Variants in IL1RAPL2 observed in about 807,000 individuals in gnomAD.
IL1RAPL2 encodes X-linked interleukin-1 receptor accessory protein-like 2.
IL1RAPL2 carries 3 observed loss-of-function variants against 44.1 expected under a neutral mutation model. The observed-to-expected ratio is 0.07, with a 90% CI of 0.03 to 0.18. The LOEUF is 0.18. Ranked by LOEUF, IL1RAPL2 falls within the 10% of genes least tolerant of loss-of-function variation. The pLI is 1.00. For synonymous variants in IL1RAPL2, 181 were observed against 178.8 expected (o/e 1.01, Z -0.10); for missense variants, 391 against 496.4 (o/e 0.79, Z 2.02).
At chrX:105,253,073 A>AC (rs1283889200) in intron 4 of IL1RAPL2, among the ~76,000 whole-genome samples, 62 of 111,657 alleles carry the variant, frequency 5.6e-4, no homozygotes, top group African/African-American at 2.0e-3. Context: ...CCACCTGCAT[A>AC]CCATCCCCTT....
At chrX:104,715,431 A>AC (rs1243451517) in intron 2 of IL1RAPL2, among the ~76,000 whole-genome samples, 35 of 107,255 alleles carry the variant, frequency 3.3e-4, no homozygotes, top group Non-Finnish European at 6.0e-4. Context: ...AAAAAAAAAA[A>AC]AAACCAGATC....
At chrX:105,034,900 C>T (rs777716158) in intron 2 of IL1RAPL2, among the ~76,000 whole-genome samples, 270 of 106,099 alleles carry the variant, frequency 2.5e-3, no homozygotes, top group African/African-American at 7.9e-3. Context: ...CCAGTTCGAG[C>T]TTCCCAGCTG....
At chrX:105,506,885 A>G (rs188163318) in intron 6 of IL1RAPL2, among the ~76,000 whole-genome samples, 62 of 112,113 alleles carry the variant, frequency 5.5e-4, no homozygotes, top group Non-Finnish European at 8.3e-4. Flanking sequence ...TGCTTTGTAC[A>G]TAGTATCCCA....
intron 2 of IL1RAPL2, among the ~76,000 whole-genome samples, chrX:104,710,472 G>A (rs1984053514): frequency 9.0e-6 from 1 of 111,043 alleles, no homozygotes; most frequent in African/African-American, 3.3e-5. Flanking sequence ...CTAAGGTGAG[G>A]CAGAGATGAT....
At chrX:105,195,833 T>C in intron 3 of IL1RAPL2, 85 bp downstream of exon 3, 2 of 921,409 alleles carry the variant, frequency 2.2e-6, no homozygotes, top group Non-Finnish European at 3.1e-6. Flanking sequence ...ATGCCTCATG[T>C]TGTATAATGG....
At position 105,659,268 on chromosome X, in the gene IL1RAPL2, C is replaced by G. The variant is rs189956690; in HGVS notation, c.773-58099C>G. ...GAGACATAGATAGAGACCTTTCAGA[C>G]GGAGAATTCAAAATAACTGTTTTTT... On this transcript the variant is annotated intron_variant, in intron 6 of 10. Transcript: ENST00000372582. Among the ~76,000 whole-genome samples, 575 of 111,501 alleles carry G rather than the reference C, an allele frequency of 5.2e-3. 4 individuals carry two copies. Among genetic ancestry groups the G allele is most frequent in the Middle Eastern group, 0.028 (6 of 213 alleles).
rs769378738 is a variant in IL1RAPL2, at chrX:105,614,473, A to G, written c.773-102894A>G. Among the ~76,000 whole-genome samples, 7 of 111,773 alleles carry G rather than the reference A, an allele frequency of 6.3e-5. No homozygotes were observed. In the East Asian group the frequency reaches 1.4e-3, roughly 23 times the overall value. On this transcript the variant is annotated intron_variant, in intron 6 of 10. Transcript: ENST00000372582. ...TACTGGCATAAAAACGGACCCATAG[A>G]TCAGTGGACCAGAATAGAGGACCCA...
At chrX:104,618,259 G>A (rs901944276) in intron 1 of IL1RAPL2, among the ~76,000 whole-genome samples, 1 of 112,199 alleles carries the variant, frequency 8.9e-6, no homozygotes, top group Non-Finnish European at 1.9e-5. Flanking sequence ...CACTGGCACA[G>A]GCTCTCTGTT....
intron 2 of IL1RAPL2, among the ~76,000 whole-genome samples, chrX:105,189,451 G>C (rs1249672137): frequency 8.9e-6 from 1 of 111,811 alleles, no homozygotes; most frequent in Non-Finnish European, 1.9e-5. Flanking sequence ...GACTCGTCTC[G>C]TACTCCTGGC....
chrX:105,477,079 C>T (rs763697914), intron 5 of IL1RAPL2, among the ~76,000 whole-genome samples: 4 of 111,867 alleles, frequency 3.6e-5, no homozygotes, highest in Non-Finnish European at 7.5e-5. Flanking sequence ...TGCTTTTTTG[C>T]AGCAGGTTTT....
intron 2 of IL1RAPL2, among the ~76,000 whole-genome samples, chrX:104,860,883 A>G (rs905511698): frequency 9.0e-6 from 1 of 111,394 alleles, no homozygotes; most frequent in African/African-American, 3.3e-5. Context: ...TTCATCAAGC[A>G]CTTAAGACTT....
intron 3 of IL1RAPL2, among the ~76,000 whole-genome samples, chrX:105,206,459 T>C (rs2033764739): frequency 8.9e-6 from 1 of 111,968 alleles, no homozygotes; most frequent in Non-Finnish European, 1.9e-5. Flanking sequence ...ATTATCAGTT[T>C]TCTCTACTGT....
intron 2 of IL1RAPL2, among the ~76,000 whole-genome samples, chrX:105,113,832 T>C (rs1368562714): frequency 8.9e-6 from 1 of 112,160 alleles, no homozygotes; most frequent in Non-Finnish European, 1.9e-5. Context: ...GAGGAATGGC[T>C]ACAATTCTTG....
At chrX:104,893,740 A>G (rs1923543704) in intron 2 of IL1RAPL2, among the ~76,000 whole-genome samples, 1 of 111,548 alleles carries the variant, frequency 9.0e-6, no homozygotes, top group South Asian at 3.8e-4. Flanking sequence ...CTCTTTATCC[A>G]ATTTGCCAGT....
At chrX:105,622,086 T>C (rs1281018073) in intron 6 of IL1RAPL2, among the ~76,000 whole-genome samples, 1 of 110,054 alleles carries the variant, frequency 9.1e-6, no homozygotes, top group Non-Finnish European at 1.9e-5. Context: ...GTGCTCCAGA[T>C]TGGAAGATGC....
chrX:105,249,469 A>G, intron 4 of IL1RAPL2, among the ~76,000 whole-genome samples: 1 of 111,400 alleles, frequency 9.0e-6, no homozygotes, highest in South Asian at 3.7e-4. Flanking sequence ...AAATAATTTA[A>G]TTTTCCATTT....
chrX:104,667,615 G>T (rs1356907350), intron 2 of IL1RAPL2, among the ~76,000 whole-genome samples: 1 of 111,299 alleles, frequency 9.0e-6, no homozygotes, highest in South Asian at 3.8e-4. Flanking sequence ...ACCCAGATTT[G>T]TCTGACCCCA....
chrX:104,974,351 C>T lies in IL1RAPL2; in HGVS notation c.83-221124C>T, dbSNP rs185852773. Among the ~76,000 whole-genome samples, 8 of 112,086 alleles carry T rather than the reference C, an allele frequency of 7.1e-5. No individual in the cohort carries two copies. The Admixed American group carries it at 7.6e-4, about 11-fold the overall frequency. On this transcript the variant is annotated intron_variant, in intron 2 of 10. Transcript: ENST00000372582. Reference sequence around the variant, plus strand: ...TAAAGTTAAATTTTAAAAGACGTAACATTTCTCTTCAAATGAATAAGCCTA... The same window carrying T: ...TAAAGTTAAATTTTAAAAGACGTAATATTTCTCTTCAAATGAATAAGCCTA...
At chrX:105,566,885 G>A (rs1347498026) in intron 6 of IL1RAPL2, among the ~76,000 whole-genome samples, 1 of 110,196 alleles carries the variant, frequency 9.1e-6, no homozygotes, top group Non-Finnish European at 1.9e-5. Flanking sequence ...CAGAAGGGAG[G>A]GGCCAGGATT....
Sources: gnomAD v4.1 joint callset for allele counts (sites outside exome capture counted in the v4.1 genomes callset) on GRCh38, gnomAD v4.1.1 for gene constraint, MANE v1.5 for transcripts, NCBI Gene and HGNC (gene_info 2026-07-23, HGNC 2026-07-21) for gene names.